PDE1A: variants seen among roughly 807,000 people sequenced by gnomAD.
PDE1A encodes dual specificity calcium/calmodulin-dependent 3',5'-cyclic nucleotide phosphodiesterase 1A.
A neutral mutation model predicts 61.7 loss-of-function variants in PDE1A; 35 were observed. That is an observed-to-expected ratio of 0.57 (90% confidence interval 0.43 to 0.75). PDE1A has a LOEUF of 0.75. Ranked by LOEUF, PDE1A falls within the 30% of genes least tolerant of loss-of-function variation. The pLI, the probability that PDE1A is intolerant of heterozygous loss-of-function variation, is 0.00. For missense variants in PDE1A, 597 were observed against 630.6 expected (o/e 0.95, Z 0.57); for synonymous variants, 232 against 213.2 (o/e 1.09, Z -0.77).
intron 1 of PDE1A, among the ~76,000 whole-genome samples, chr2:182,297,988 A>G (rs904088996): frequency 5.9e-5 from 9 of 152,202 alleles, no homozygotes; most frequent in African/African-American, 1.9e-4. Context: ...AATCATATGC[A>G]AAGACATTAT....
upstream of PDE1A, among the ~76,000 whole-genome samples, chr2:182,427,878 T>A (rs1200102803): frequency 6.6e-6 from 1 of 152,180 alleles, no homozygotes; most frequent in Non-Finnish European, 1.5e-5. Flanking sequence ...AGAATGTTTT[T>A]AATATATACA....
the PDE1A span, among the ~76,000 whole-genome samples, chr2:182,564,929 T>C: frequency 2.0e-5 from 3 of 152,256 alleles, no homozygotes; most frequent in South Asian, 4.1e-4. Context: ...CTTCTCTGTA[T>C]TGGTTATTCT....
intron 1 of PDE1A, among the ~76,000 whole-genome samples, chr2:182,325,995 C>A (rs1697020109): frequency 6.6e-6 from 1 of 152,004 alleles, no homozygotes; most frequent in Non-Finnish European, 1.5e-5. Context: ...CACATTTCTC[C>A]AAAGCTATAT....
At chr2:182,499,978 A>T (rs978693244) in intron 2 of PDE1A, among the ~76,000 whole-genome samples, 2 of 152,182 alleles carry the variant, frequency 1.3e-5, no homozygotes, top group African/African-American at 4.8e-5. Flanking sequence ...GGGGACAAAG[A>T]TTTGAAAAAC....
At chr2:182,673,323 ATG>A in the PDE1A span, among the ~76,000 whole-genome samples, 1 of 152,270 alleles carries the variant, frequency 6.6e-6, no homozygotes, top group South Asian at 2.1e-4. Context: ...ATCAAAATAA[ATG>A]TGTTATTATC....
intron 13 of PDE1A, among the ~76,000 whole-genome samples, chr2:182,170,491 G>T (rs549583328): frequency 6.6e-6 from 1 of 151,580 alleles, no homozygotes; most frequent in Non-Finnish European, 1.5e-5. Context: ...TTGGGGTAAG[G>T]TTTCACAGGA....
chr2:182,173,194 C>T (rs1396618608), intron 13 of PDE1A, among the ~76,000 whole-genome samples: 1 of 151,956 alleles, frequency 6.6e-6, no homozygotes, highest in African/African-American at 2.4e-5. Context: ...AGTGTTCTAC[C>T]TAGACCTTCC....
At chr2:182,473,557 G>T (rs1218946364) in intron 2 of PDE1A, among the ~76,000 whole-genome samples, 1 of 151,812 alleles carries the variant, frequency 6.6e-6, no homozygotes, top group African/African-American at 2.4e-5. Flanking sequence ...CGTGTGTCAT[G>T]GCAGTTTGTT....
chr2:182,365,942 C>T (rs773076565), intron 1 of PDE1A, among the ~76,000 whole-genome samples: 7 of 151,974 alleles, frequency 4.6e-5, no homozygotes, highest in African/African-American at 7.2e-5. Flanking sequence ...CACACCCCTC[C>T]GAGGTGTACT....
At chr2:182,659,932 T>C in the PDE1A span, among the ~76,000 whole-genome samples, 5 of 152,332 alleles carry the variant, frequency 3.3e-5, no homozygotes, top group South Asian at 2.1e-4. Context: ...CACTCTAACA[T>C]ATTCAAACTG....
intron 1 of PDE1A, among the ~76,000 whole-genome samples, chr2:182,311,719 T>C (rs776569313): frequency 1.3e-5 from 2 of 152,202 alleles, no homozygotes; most frequent in Non-Finnish European, 2.9e-5. Context: ...TGTTTATTCA[T>C]TCCCCAGCTG....
chr2:182,244,360 C>T (rs963499320), intron 2 of PDE1A, among the ~76,000 whole-genome samples: 2 of 101,066 alleles, frequency 2.0e-5, no homozygotes, highest in Non-Finnish European at 4.2e-5. Flanking sequence ...TTACCTTTTT[C>T]TTTTTTTAAA....
chr2:182,199,990 G>T (rs143131836), intron 10 of PDE1A, among the ~76,000 whole-genome samples: 5,020 of 151,176 alleles, frequency 0.033, 139 homozygotes, highest in South Asian at 0.09. Context: ...TCAACAATGG[G>T]AGACAGAAAC....
At chr2:182,623,156 G>A in the PDE1A span, among the ~76,000 whole-genome samples, 1 of 152,092 alleles carries the variant, frequency 6.6e-6, no homozygotes, top group Non-Finnish European at 1.5e-5. Context: ...AGAAGAAGGA[G>A]GAAAAGATAT....
chr2:182,525,453 G>C (rs1690764217), upstream of PDE1A, among the ~76,000 whole-genome samples: 1 of 152,146 alleles, frequency 6.6e-6, no homozygotes, highest in Non-Finnish European at 1.5e-5. Flanking sequence ...GTTTGGATCT[G>C]TGCCCACTCA....
chr2:182,686,561 T>C, the PDE1A span, among the ~76,000 whole-genome samples: 1 of 152,200 alleles, frequency 6.6e-6, no homozygotes, highest in Non-Finnish European at 1.5e-5. Flanking sequence ...GGTTCCAAGA[T>C]GGCCGAATAG....
At chr2:182,429,757 GA>G (rs2125627927), upstream of PDE1A, among the ~76,000 whole-genome samples, 1 of 152,180 alleles carries the variant, frequency 6.6e-6, no homozygotes, top group East Asian at 1.9e-4. Flanking sequence ...AAGCATCATG[GA>G]GAAAAGGTAA....
exon 15 of PDE1A, chr2:182,140,697 C>T (rs1690189099): frequency 6.6e-6 from 1 of 152,180 alleles, no homozygotes; most frequent in African/African-American, 2.4e-5. Context: ...AACAGCCTAA[C>T]CTATCAATCC....
intron 2 of PDE1A, among the ~76,000 whole-genome samples, chr2:182,499,173 G>GTTTTTTTTTT (rs545033513): frequency 2.6e-5 from 2 of 77,306 alleles, no homozygotes; most frequent in Non-Finnish European, 4.5e-5. Flanking sequence ...TCTTTTTCTT[G>GTTTTTTTTTT]TTTTTTTTTT....
Sources: gnomAD v4.1 joint callset for allele counts (sites outside exome capture counted in the v4.1 genomes callset) on GRCh38, gnomAD v4.1.1 for gene constraint, MANE v1.5 for transcripts, NCBI Gene and HGNC (gene_info 2026-07-23, HGNC 2026-07-21) for gene names.